Variants in CTNNBL1 observed in about 807,000 individuals in gnomAD.
CTNNBL1 encodes the protein catenin beta like 1.
In CTNNBL1, 31 loss-of-function variants were observed where a neutral mutation model predicts 72.7. The ratio of observed to expected loss-of-function variants is 0.43; its 90% CI spans 0.32 to 0.58. CTNNBL1 has a LOEUF of 0.58. Ranked by LOEUF, CTNNBL1 falls within the 20% of genes least tolerant of loss-of-function variation. The pLI is 0.08. For missense variants in CTNNBL1, 534 were observed against 725.1 expected (o/e 0.74, Z 3.03); for synonymous variants, 240 against 267.3 (o/e 0.90, Z 1.00).
intron 10 of CTNNBL1, among the ~76,000 whole-genome samples, chr20:37,786,567 CAT>C (rs1275390040): frequency 6.6e-6 from 1 of 151,748 alleles, no homozygotes; most frequent in African/African-American, 2.4e-5. Flanking sequence ...TATATATATG[CAT>C]ATATGTGTGA....
In CTNNBL1 at chr20:37,694,282, C is replaced by G. The variant is rs2072769375; in HGVS notation, c.30+130C>G. 7 of 756,062 alleles carry G rather than the reference C, an allele frequency of 9.3e-6. No homozygotes were observed. In the South Asian group the frequency reaches 1.5e-4, roughly 16 times the overall value. The allele number at this position is 756,062 out of a possible 1,614,324, so 46.8% of individuals were successfully genotyped here. ...TCTAACTTCTCATGCCACCCGGGGT[C>G]TCAGCCCCTCGTTTTACTTTGCTCT... On this transcript the variant is annotated intron_variant, in intron 1 of 15. Transcript: ENST00000361383.
chr20:37,811,590 C>T (rs1331748608), intron 11 of CTNNBL1, among the ~76,000 whole-genome samples: 1 of 152,142 alleles, frequency 6.6e-6, no homozygotes, highest in Non-Finnish European at 1.5e-5. Flanking sequence ...TTCCTTTCAT[C>T]AGGCTTGAGG....
At chr20:37,818,226 T>C (rs2072076441) in intron 11 of CTNNBL1, among the ~76,000 whole-genome samples, 1 of 152,198 alleles carries the variant, frequency 6.6e-6, no homozygotes, top group African/African-American at 2.4e-5. Flanking sequence ...TGGGAGACAG[T>C]GACCCACCTC....
intron 15 of CTNNBL1, among the ~76,000 whole-genome samples, chr20:37,867,693 A>G (rs1244263956): frequency 1.3e-5 from 2 of 151,954 alleles, no homozygotes; most frequent in Non-Finnish European, 2.9e-5. Context: ...TTCCTCTTAC[A>G]TACACATGCA....
At chr20:37,847,298 G>A (rs944785674) in intron 13 of CTNNBL1, among the ~76,000 whole-genome samples, 1 of 152,164 alleles carries the variant, frequency 6.6e-6, no homozygotes, top group Non-Finnish European at 1.5e-5. Context: ...AACTAGCAAA[G>A]AGTTCCATGT....
chr20:37,803,682 G>C (rs1219863116), intron 11 of CTNNBL1, among the ~76,000 whole-genome samples: 3 of 152,150 alleles, frequency 2.0e-5, no homozygotes, highest in African/African-American at 7.2e-5. Flanking sequence ...TGACAGTTCT[G>C]CTGGAGGCTG....
intron 11 of CTNNBL1, among the ~76,000 whole-genome samples, chr20:37,821,017 C>T (rs1006552042): frequency 2.0e-5 from 3 of 152,216 alleles, no homozygotes; most frequent in African/African-American, 7.2e-5. Context: ...CCTTGCTCAT[C>T]CCCTGCCCTG....
chr20:37,779,097 T>C lies in CTNNBL1; in HGVS notation c.883-90T>C, dbSNP rs549347246. The stretch of plus-strand genomic sequence containing the variant: ...TTCTGTTTCCTCAGTCGTAGAGTTA[T>C]GACCCACAGGTTTTAGGAATTGTTG... On this transcript the variant is annotated intron_variant, in intron 9 of 15. Transcript: ENST00000361383. The C allele has an allele frequency of 2.2e-4, 287 of 1,308,306 alleles. 1 individual carries two copies. The South Asian group carries it at 3.2e-3, about 15-fold the overall frequency. 81.0% of individuals were successfully genotyped at this position (1,308,306 alleles called of 1,614,324 possible). A position where few individuals can be genotyped will look rare whatever the true frequency, so the allele number is the denominator to read the frequency against.
chr20:37,718,106 C>T (rs925944007), intron 1 of CTNNBL1, among the ~76,000 whole-genome samples: 9 of 152,188 alleles, frequency 5.9e-5, no homozygotes, highest in African/African-American at 2.2e-4. Context: ...ATGGCCCGCT[C>T]TCAATGAGCT....
At chr20:37,816,825 T>C (rs2122763022) in intron 11 of CTNNBL1, among the ~76,000 whole-genome samples, 1 of 152,260 alleles carries the variant, frequency 6.6e-6, no homozygotes, top group African/African-American at 2.4e-5. Flanking sequence ...CTTAAATGTA[T>C]TGATTACTAA....
intron 11 of CTNNBL1, among the ~76,000 whole-genome samples, chr20:37,827,517 A>C (rs113162901): frequency 0.012 from 1,837 of 152,334 alleles, 38 homozygotes; most frequent in African/African-American, 0.042. Flanking sequence ...GATTTTTCTC[A>C]AAGTATGGAC....
chr20:37,863,063 A>G (rs2072505443), intron 15 of CTNNBL1, among the ~76,000 whole-genome samples: 1 of 152,216 alleles, frequency 6.6e-6, no homozygotes, highest in South Asian at 2.1e-4. Flanking sequence ...AATAATGGGA[A>G]CCAGTAACAA....
At chr20:37,849,900 A>G (rs893639930) in intron 13 of CTNNBL1, among the ~76,000 whole-genome samples, 3 of 152,230 alleles carry the variant, frequency 2.0e-5, no homozygotes, top group African/African-American at 7.2e-5. Flanking sequence ...ATCATGTAGG[A>G]TTGTGGGGCG....
chr20:37,726,831 T>A lies in CTNNBL1; in HGVS notation c.31-6048T>A, dbSNP rs141628252. On this transcript the variant is annotated intron_variant, in intron 1 of 15. Coordinates refer to ENST00000361383, the MANE Select transcript of CTNNBL1 (RefSeq NM_030877.5). ...CACACACACATGCACACATTTACAC[T>A]TTTATATTCTGATACAAATGCGCTC... Among the ~76,000 whole-genome samples, 205 of 152,326 alleles carry A rather than the reference T, an allele frequency of 1.3e-3. 1 individual carries two copies. Among genetic ancestry groups the A allele is most frequent in the Middle Eastern group, 6.8e-3 (2 of 294 alleles).
chr20:37,787,546 G>A (rs1311925959), intron 10 of CTNNBL1, among the ~76,000 whole-genome samples: 3 of 151,930 alleles, frequency 2.0e-5, no homozygotes, highest in East Asian at 1.9e-4. Flanking sequence ...GGGTTTCACC[G>A]TTTTAGCCGG....
chr20:37,739,460 C>T (rs1405133839), intron 3 of CTNNBL1, among the ~76,000 whole-genome samples: 2 of 151,908 alleles, frequency 1.3e-5, no homozygotes, highest in African/African-American at 2.4e-5. Context: ...ATTTTAAAAT[C>T]GGCTTTTATG....
intron 1 of CTNNBL1, among the ~76,000 whole-genome samples, chr20:37,708,372 A>G (rs567935235): frequency 7.2e-5 from 11 of 152,120 alleles, no homozygotes; most frequent in Admixed American, 6.5e-4. Context: ...GGGTTTTGGC[A>G]TGTTGCCCAG....
intron 10 of CTNNBL1, among the ~76,000 whole-genome samples, chr20:37,785,635 G>A (rs1303202571): frequency 6.6e-6 from 1 of 152,040 alleles, no homozygotes; most frequent in Non-Finnish European, 1.5e-5. Flanking sequence ...ATAGGATTTT[G>A]CGTTCCTTCT....
intron 10 of CTNNBL1, among the ~76,000 whole-genome samples, chr20:37,788,531 C>T (rs745473956): frequency 6.6e-6 from 1 of 152,160 alleles, no homozygotes; most frequent in Admixed American, 6.5e-5. Context: ...AAGCACAAAA[C>T]GGGGCCATAG....
Sources: allele counts gnomAD v4.1 joint callset (sites outside exome capture counted in the v4.1 genomes callset), GRCh38; gene constraint gnomAD v4.1.1; transcripts MANE v1.5; gene names NCBI Gene and HGNC (gene_info 2026-07-23, HGNC 2026-07-21).